The following FBXL4 variants were observed in gnomAD, a reference collection of about 807,000 sequenced individuals.
FBXL4 encodes F-box and leucine rich repeat protein 4.
Under a neutral mutation model 58.9 loss-of-function variants are expected in FBXL4, and 40 were observed. The observed-to-expected ratio is 0.68, with a 90% CI of 0.53 to 0.88. The LOEUF is 0.88. Among genes scored for constraint, FBXL4 ranks in the 40% least tolerant of loss-of-function variants. The pLI is 0.00. For synonymous variants in FBXL4, 263 were observed against 265.5 expected, an observed-to-expected ratio of 0.99 and a Z score of 0.09; for missense variants, 676 against 734.4, an observed-to-expected ratio of 0.92 and a Z score of 0.92.
intron 2 of FBXL4, among the ~76,000 whole-genome samples, chr6:98,930,909 G>A (rs959686768): frequency 6.6e-6 from 1 of 151,984 alleles, no homozygotes; most frequent in Non-Finnish European, 1.5e-5. Flanking sequence ...TTTTCAAAAA[G>A]AAAAAGAATT....
chr6:98,940,891 A>G (rs1317794234), intron 1 of FBXL4, among the ~76,000 whole-genome samples: 1 of 152,202 alleles, frequency 6.6e-6, no homozygotes, highest in Non-Finnish European at 1.5e-5. Context: ...TTTGCTCTTA[A>G]GGGAAGACCT....
chr6:98,914,933 C>T (rs1263265009), intron 5 of FBXL4, among the ~76,000 whole-genome samples: 1 of 152,048 alleles, frequency 6.6e-6, no homozygotes, highest in East Asian at 1.9e-4. Context: ...TTGTCTCAGC[C>T]CAAAATCTCC....
intron 1 of FBXL4, among the ~76,000 whole-genome samples, chr6:98,937,047 T>C (rs1390654809): frequency 2.0e-5 from 3 of 152,176 alleles, no homozygotes; most frequent in Non-Finnish European, 2.9e-5. Flanking sequence ...TAGTGGCTCA[T>C]GCCTGTAATC....
rs141567038 is a variant in FBXL4 at position 98,873,557 on chromosome 6, T to A, written c.*721A>T. On this transcript the variant is annotated 3_prime_UTR_variant, in exon 10 of 10. Transcript: ENST00000369244. ...TCCAGTAGTGAAATAGACAAAAATA[T>A]CAGAAGAAAAGTGGAAACACTACAA... The A allele has an allele frequency of 9.9e-5, 15 of 151,962 alleles. 1 individual carries two copies. The highest frequency in any genetic ancestry group is 6.6e-5 in the Admixed American group (1 of 15,222). The allele number at this position is 151,962 out of a possible 1,614,324, so 9.4% of individuals were successfully genotyped here.
chr6:98,881,750 CA>C (rs915491215), intron 7 of FBXL4, among the ~76,000 whole-genome samples: 9 of 151,750 alleles, frequency 5.9e-5, no homozygotes, highest in African/African-American at 1.9e-4. Context: ...TGAATTTAAA[CA>C]AAAAAAGTTT....
chr6:98,902,565 C>T (rs186158502), intron 6 of FBXL4, among the ~76,000 whole-genome samples: 6 of 151,868 alleles, frequency 4.0e-5, no homozygotes, highest in East Asian at 1.9e-4. Context: ...GAATCTAGAA[C>T]GCATCCAAGA....
At chr6:98,924,062 C>T (rs1275864328) in intron 4 of FBXL4, among the ~76,000 whole-genome samples, 2 of 152,042 alleles carry the variant, frequency 1.3e-5, no homozygotes, top group Non-Finnish European at 2.9e-5. Flanking sequence ...TAACTTTAAT[C>T]ACAACCATAT....
At chr6:98,935,954 A>G (rs1286308239) in intron 1 of FBXL4, among the ~76,000 whole-genome samples, 2 of 152,208 alleles carry the variant, frequency 1.3e-5, no homozygotes, top group African/African-American at 4.8e-5. Context: ...GAAAGAAAAA[A>G]TGATATTTTG....
At chr6:98,901,743 C>T (rs1351351216) in intron 6 of FBXL4, among the ~76,000 whole-genome samples, 1 of 152,132 alleles carries the variant, frequency 6.6e-6, no homozygotes, top group African/African-American at 2.4e-5. Context: ...ACAGCTCTTA[C>T]TTCTTTCCTT....
At chr6:98,886,212 C>T (rs1420689922) in intron 7 of FBXL4, among the ~76,000 whole-genome samples, 2 of 152,084 alleles carry the variant, frequency 1.3e-5, no homozygotes, top group African/African-American at 4.8e-5. Context: ...AGATAAATAA[C>T]AGAGTCACTA....
chr6:98,918,912 T>G (rs1772474582), intron 4 of FBXL4, among the ~76,000 whole-genome samples: 1 of 152,144 alleles, frequency 6.6e-6, no homozygotes, highest in African/African-American at 2.4e-5. Context: ...TGATTACTAA[T>G]GGCACTTAAT....
At chr6:98,947,249 G>A (rs984702228) in intron 1 of FBXL4, among the ~76,000 whole-genome samples, 1 of 152,244 alleles carries the variant, frequency 6.6e-6, no homozygotes, top group African/African-American at 2.4e-5. Flanking sequence ...TCGACAAGGA[G>A]GCCAAGTAGA....
chr6:98,911,054 G>A (rs1462823834), intron 5 of FBXL4, among the ~76,000 whole-genome samples: 9 of 147,132 alleles, frequency 6.1e-5, no homozygotes, highest in African/African-American at 1.0e-4. Flanking sequence ...AGGGTCCTAC[G>A]CCCACGGAGT....
intron 7 of FBXL4, among the ~76,000 whole-genome samples, chr6:98,882,059 TTTAAA>T (rs1261588183): frequency 1.3e-5 from 2 of 152,054 alleles, no homozygotes; most frequent in Non-Finnish European, 2.9e-5. Context: ...GGTAAGAAAT[TTTAAA>T]TTAAAAAATA....
At chr6:98,944,938 T>C (rs1394280018) in intron 1 of FBXL4, among the ~76,000 whole-genome samples, 2 of 152,182 alleles carry the variant, frequency 1.3e-5, no homozygotes, top group Non-Finnish European at 2.9e-5. Flanking sequence ...TGTCTCTGAG[T>C]CAGGAGTCTC....
At chr6:98,904,081 C>T (rs748875957) in intron 6 of FBXL4, among the ~76,000 whole-genome samples, 22 of 152,140 alleles carry the variant, frequency 1.4e-4, no homozygotes, top group African/African-American at 5.1e-4. Context: ...TAAAATAATG[C>T]TTACTGACAC....
intron 1 of FBXL4, among the ~76,000 whole-genome samples, chr6:98,941,745 T>C (rs1195119462): frequency 2.6e-5 from 4 of 152,154 alleles, no homozygotes; most frequent in East Asian, 1.9e-4. Context: ...ATGGTCAACA[T>C]AGATCTGCAT....
At chr6:98,944,828 C>T (rs1320167455) in intron 1 of FBXL4, among the ~76,000 whole-genome samples, 1 of 152,204 alleles carries the variant, frequency 6.6e-6, no homozygotes, top group Non-Finnish European at 1.5e-5. Context: ...CCTACTTCAT[C>T]TGCTAGTGTC....
At chr6:98,936,928 T>A (rs1186388274) in intron 1 of FBXL4, among the ~76,000 whole-genome samples, 1 of 152,236 alleles carries the variant, frequency 6.6e-6, no homozygotes, top group East Asian at 1.9e-4. Context: ...AGTAGTTCAG[T>A]TCCTTTTTAT....
Sources: gnomAD v4.1 joint callset for allele counts (sites outside exome capture counted in the v4.1 genomes callset) on GRCh38, gnomAD v4.1.1 for gene constraint, MANE v1.5 for transcripts, NCBI Gene and HGNC (gene_info 2026-07-23, HGNC 2026-07-21) for gene names.